FAF1: variants seen among roughly 807,000 people sequenced by gnomAD.
FAF1 encodes FAS-associated factor 1.
FAF1 carries 25 observed loss-of-function variants against 92.5 expected under a neutral mutation model. The observed-to-expected ratio is 0.27, with a 90% CI of 0.20 to 0.38. FAF1 has a LOEUF of 0.38. Ranked by LOEUF, FAF1 falls within the 10% of genes least tolerant of loss-of-function variation. The pLI, the probability that FAF1 is intolerant of heterozygous loss-of-function variation, is 1.00. For missense variants in FAF1, 636 were observed against 793.3 expected (o/e 0.80, Z 2.38); for synonymous variants, 234 against 273.2 (o/e 0.86, Z 1.42).
At chr1:50,515,701 CCA>C (rs1210599379) in intron 15 of FAF1, among the ~76,000 whole-genome samples, 2 of 151,976 alleles carry the variant, frequency 1.3e-5, no homozygotes, top group African/African-American at 2.4e-5. Flanking sequence ...TACTTACTGC[CCA>C]CAGTTTAAGG....
chr1:50,942,016 T>C (rs1484274133), intron 1 of FAF1, among the ~76,000 whole-genome samples: 1 of 152,244 alleles, frequency 6.6e-6, no homozygotes, highest in Admixed American at 6.5e-5. Context: ...TTTTACTTTG[T>C]AGTCGAACAA....
At chr1:50,708,287 G>A (rs1404250416) in intron 6 of FAF1, among the ~76,000 whole-genome samples, 1 of 152,150 alleles carries the variant, frequency 6.6e-6, no homozygotes, top group African/African-American at 2.4e-5. Context: ...AGGCACAGAT[G>A]AAAAACTGTC....
chr1:50,492,942 C>T lies in FAF1; in HGVS notation c.1495-1141G>A, dbSNP rs1646856433. Among the ~76,000 whole-genome samples, 4 of 152,002 alleles carry T rather than the reference C, an allele frequency of 2.6e-5. No individual in the cohort carries two copies. In the South Asian group the frequency reaches 8.3e-4, roughly 32 times the overall value. The stretch of plus-strand genomic sequence containing the variant: ...ATTAGAAAGAATTAGATGTTGCTGG[C>T]CTGAAGGTAATTGTTATACTACAAA... On this transcript the variant is annotated intron_variant, in intron 15 of 18. Transcript: ENST00000396153.
At chr1:50,870,943 C>G (rs201771551) in intron 1 of FAF1, among the ~76,000 whole-genome samples, 1 of 151,956 alleles carries the variant, frequency 6.6e-6, no homozygotes, top group South Asian at 2.1e-4. Flanking sequence ...TTTTTTGCAC[C>G]AAATAGCCAC....
At chr1:50,611,691 A>C (rs1652692553) in intron 8 of FAF1, among the ~76,000 whole-genome samples, 1 of 152,232 alleles carries the variant, frequency 6.6e-6, no homozygotes, top group African/African-American at 2.4e-5. Flanking sequence ...TCCACATCAT[A>C]ATCAATGCTA....
chr1:50,940,917 C>T (rs1166682930), intron 1 of FAF1, among the ~76,000 whole-genome samples: 1 of 152,134 alleles, frequency 6.6e-6, no homozygotes, highest in Admixed American at 6.5e-5. Context: ...AGCAAAACTA[C>T]ACTGTCCTCT....
chr1:50,539,525 G>T (rs1648658461), intron 14 of FAF1, 67 bp downstream of exon 14: 1 of 1,089,442 alleles, frequency 9.2e-7, no homozygotes, highest in Non-Finnish European at 1.3e-6. Context: ...TTGTCAGCTT[G>T]GGTGGAAAAA....
At chr1:50,746,292 A>ATTTTTT (rs1165741663) in intron 4 of FAF1, among the ~76,000 whole-genome samples, 2 of 22,678 alleles carry the variant, frequency 8.8e-5, no homozygotes, top group Admixed American at 8.6e-4. Flanking sequence ...ATATATATAT[A>ATTTTTT]TTTTTTTTTT....
At chr1:50,819,792 T>C (rs982969303) in intron 2 of FAF1, among the ~76,000 whole-genome samples, 1 of 114,392 alleles carries the variant, frequency 8.7e-6, no homozygotes, top group African/African-American at 3.2e-5. Context: ...TATATACATA[T>C]ATATATATAC....
chr1:50,616,687 T>G (rs1652927984), intron 8 of FAF1, among the ~76,000 whole-genome samples: 1 of 151,836 alleles, frequency 6.6e-6, no homozygotes, highest in African/African-American at 2.4e-5. Flanking sequence ...ACTGATTTTT[T>G]TTTTTTTTTT....
chr1:50,452,879 C>T (rs1646310109), intron 18 of FAF1, among the ~76,000 whole-genome samples: 1 of 152,216 alleles, frequency 6.6e-6, no homozygotes, highest in Non-Finnish European at 1.5e-5. Context: ...AATTTCTCAT[C>T]TGTAAGTTGG....
At chr1:50,745,309 TAAAAAC>T (rs1165298944) in intron 4 of FAF1, among the ~76,000 whole-genome samples, 1 of 151,160 alleles carries the variant, frequency 6.6e-6, no homozygotes. Flanking sequence ...CTCAAAAAAT[TAAAAAC>T]AAAAAATAAT....
intron 4 of FAF1, among the ~76,000 whole-genome samples, chr1:50,759,558 A>T (rs982549819): frequency 5.9e-5 from 9 of 151,856 alleles, no homozygotes; most frequent in Admixed American, 5.9e-4. Flanking sequence ...TCATTGTTGG[A>T]CATTTGGGTT....
chr1:50,947,598 T>C lies in FAF1; in HGVS notation c.45+12169A>G, dbSNP rs570945486. 5.3e-5 allele frequency among the ~76,000 whole-genome samples: 8 copies of C among 152,368 alleles called. No homozygotes were observed. The South Asian group carries it at 1.7e-3, about 32-fold the overall frequency. On this transcript the variant is annotated intron_variant, in intron 1 of 18. Transcript: ENST00000396153. ...CTTAAAATCCATTTGAGAATGAAAT[T>C]ATAATCAGGAAGAGTGAATAAAACA...
intron 1 of FAF1, among the ~76,000 whole-genome samples, chr1:50,898,687 C>T (rs1337463526): frequency 6.6e-6 from 1 of 152,154 alleles, no homozygotes; most frequent in East Asian, 1.9e-4. Context: ...AAAGATATTC[C>T]TTCACTGACT....
chr1:50,935,501 C>T (rs1645079283), intron 1 of FAF1, among the ~76,000 whole-genome samples: 1 of 147,692 alleles, frequency 6.8e-6, no homozygotes, highest in Non-Finnish European at 1.5e-5. Flanking sequence ...GATGGAGTCT[C>T]ATTTTGTCAC....
chr1:50,517,239 C>T (rs563544596), intron 15 of FAF1, among the ~76,000 whole-genome samples: 3 of 152,100 alleles, frequency 2.0e-5, no homozygotes, highest in African/African-American at 7.2e-5. Flanking sequence ...ATACTGGATA[C>T]CCCCATTATA....
chr1:50,610,351 G>C (rs1240435471), intron 8 of FAF1, among the ~76,000 whole-genome samples: 1 of 152,126 alleles, frequency 6.6e-6, no homozygotes, highest in Non-Finnish European at 1.5e-5. Context: ...CACATTACTT[G>C]AGATTTCACA....
chr1:50,681,122 C>T (rs1321757056), intron 7 of FAF1, among the ~76,000 whole-genome samples: 1 of 152,178 alleles, frequency 6.6e-6, no homozygotes, highest in Non-Finnish European at 1.5e-5. Context: ...TCTCAGCTCA[C>T]TGCAACCTCC....
Sources: gnomAD v4.1 joint callset for allele counts (sites outside exome capture counted in the v4.1 genomes callset) on GRCh38, gnomAD v4.1.1 for gene constraint, MANE v1.5 for transcripts, NCBI Gene and HGNC (gene_info 2026-07-23, HGNC 2026-07-21) for gene names.